Variants in DENND2C observed in about 807,000 individuals in gnomAD.
The protein encoded by DENND2C is DENN domain-containing protein 2C.
A neutral mutation model predicts 112.4 loss-of-function variants in DENND2C; 72 were observed. That is an observed-to-expected ratio of 0.64 (90% CI 0.53 to 0.78). The LOEUF (loss-of-function observed/expected upper bound fraction) is 0.78. DENND2C is among the 30% of genes least tolerant of loss of function. The pLI is 0.00. For missense variants in DENND2C, 992 were observed against 1,113.8 expected, an observed-to-expected ratio of 0.89 and a Z score of 1.56; for synonymous variants, 329 against 381.6, an observed-to-expected ratio of 0.86 and a Z score of 1.61.
chr1:114,618,547 TTAATC>T (rs1433200918), intron 7 of DENND2C, 65 bp from the exon 8 acceptor site: 2 of 953,754 alleles, frequency 2.1e-6, no homozygotes, highest in Non-Finnish European at 3.1e-6. Context: ...TTTGATGACA[TTAATC>T]TATTAGGGAT....
Position 114,625,568 on chromosome 1 carries a change from A to G in DENND2C, c.417T>C (p.Pro139=). 1 of 1,614,118 alleles carries G rather than the reference A, an allele frequency of 6.2e-7. No individual in the cohort carries two copies. The highest frequency in any genetic ancestry group is 8.5e-7 in the Non-Finnish European group (1 of 1,180,012). ...TTTGTGAGGTATAGAAGTTTCCTGG[A>G]GGTAATGAAGTCTCTGGATCTAAGA... ...EDVLDPETSL[P]PGNFYTSQIL... is the part of the protein sequence containing the mutation. Residue 139 remains proline (P), a synonymous_variant, in exon 4 of 21, where the codon CCT becomes CCC. Transcript: ENST00000393274.
rs552054562 is a variant in DENND2C, at chr1:114,629,947, T to G, written c.-204-3759A>C. 1.4e-4 allele frequency among the ~76,000 whole-genome samples: 22 copies of G among 152,302 alleles called. 2 individuals carry two copies. The Middle Eastern group carries it at 0.01, about 71-fold the overall frequency. The stretch of plus-strand genomic sequence containing the variant: ...ATCTGGAAAAATAACTTGGAAGAAT[T>G]TGGAACATTCTAAAACCTGATTTAC... On this transcript the variant is annotated intron_variant, in intron 3 of 20. Transcript: ENST00000393274.
rs560270235 is a variant in DENND2C at position 114,657,741 on chromosome 1, T to C, written c.-573-2980A>G. Among the ~76,000 whole-genome samples, 18 of 152,164 alleles carry C rather than the reference T, an allele frequency of 1.2e-4. 1 individual carries two copies. Among genetic ancestry groups the C allele is most frequent in the Middle Eastern group, 6.3e-3 (2 of 316 alleles). ...GTAGACAATCCATTCAAGGAGTTTA[T>C]CCAAATAGACGAATAGACAATAGAG... On this transcript the variant is annotated intron_variant, in intron 1 of 20. Coordinates refer to ENST00000393274, the MANE Select transcript of DENND2C (RefSeq NM_001256404.2).
intron 2 of DENND2C, among the ~76,000 whole-genome samples, chr1:114,651,276 T>TACAC (rs57202953): frequency 0.26 from 36,077 of 139,106 alleles, 4,867 homozygotes; most frequent in Non-Finnish European, 0.29. Context: ...TCCCTACACA[T>TACAC]ACACACACAC....
At chr1:114,586,239 G>A (rs1655034026) in intron 20 of DENND2C, among the ~76,000 whole-genome samples, 1 of 152,130 alleles carries the variant, frequency 6.6e-6, no homozygotes, top group African/African-American at 2.4e-5. Context: ...TTAGAGACTT[G>A]TAAGAAATCC....
At chr1:114,603,763 AC>A (rs1226010465) in intron 11 of DENND2C, among the ~76,000 whole-genome samples, 1 of 151,456 alleles carries the variant, frequency 6.6e-6, no homozygotes, top group East Asian at 2.0e-4. Context: ...ATGGTCTCAA[AC>A]CTGGCCTCAA....
chr1:114,615,008 C>T (rs973727405), intron 8 of DENND2C, among the ~76,000 whole-genome samples: 22 of 149,282 alleles, frequency 1.5e-4, no homozygotes, highest in South Asian at 6.3e-4. Flanking sequence ...AGCAAGACTC[C>T]GTCTCAAAAA....
At chr1:114,600,706 T>C in intron 14 of DENND2C, 114 bp downstream of exon 14, 3 of 1,322,320 alleles carry the variant, frequency 2.3e-6, no homozygotes, top group Non-Finnish European at 3.1e-6. Context: ...ATAAAACATA[T>C]TCTTTACAGT....
chr1:114,589,219 T>C (rs11577994), intron 18 of DENND2C, among the ~76,000 whole-genome samples: 12,823 of 152,038 alleles, frequency 0.084, 716 homozygotes, highest in Non-Finnish European at 0.13. Context: ...ATCGTCTTTT[T>C]CCCCCCGCCC....
intron 3 of DENND2C, among the ~76,000 whole-genome samples, chr1:114,645,000 TTTAAA>T (rs970239865): frequency 2.0e-5 from 3 of 152,342 alleles, no homozygotes; most frequent in African/African-American, 7.2e-5. Flanking sequence ...ATTTTACTAG[TTTAAA>T]TTAGTAAAAA....
intron 3 of DENND2C, among the ~76,000 whole-genome samples, chr1:114,645,227 A>AC (rs755178313): frequency 6.6e-6 from 1 of 152,108 alleles, no homozygotes; most frequent in Non-Finnish European, 1.5e-5. Context: ...TGAAGTCCTA[A>AC]CCCCCAGCAC....
At chr1:114,615,433 G>A (rs1446722791) in intron 8 of DENND2C, among the ~76,000 whole-genome samples, 1 of 152,200 alleles carries the variant, frequency 6.6e-6, no homozygotes, top group Non-Finnish European at 1.5e-5. Context: ...TCAAATCTAT[G>A]CTTCCTCCTC....
intron 20 of DENND2C, chr1:114,587,171 G>C (rs1655060906): frequency 1.1e-5 from 6 of 541,514 alleles, no homozygotes; most frequent in Non-Finnish European, 2.0e-5. Context: ...CAAAGTGCTG[G>C]GATTACAGGC....
rs1409263572 is a variant in DENND2C at position 114,584,060 on chromosome 1, T to C, written c.*1540A>G. The C allele has an allele frequency of 2.0e-5, 3 of 152,092 alleles. No individual in the cohort carries two copies. Among genetic ancestry groups the C allele is most frequent in the Non-Finnish European group, 4.4e-5 (3 of 68,008 alleles). 9.4% of individuals were successfully genotyped at this position (152,092 alleles called of 1,614,324 possible). Reference sequence around the variant, plus strand: ...TCATCTAGGCACCTATAAAGTTCCTTATCCTCAGAGCTGAAAAGTGGCTCT... The same window carrying C: ...TCATCTAGGCACCTATAAAGTTCCTCATCCTCAGAGCTGAAAAGTGGCTCT... On this transcript the variant is annotated 3_prime_UTR_variant, in exon 21 of 21. Coordinates refer to ENST00000393274, the MANE Select transcript of DENND2C (RefSeq NM_001256404.2).
chr1:114,608,571 C>T (rs1013780334), intron 10 of DENND2C, 115 bp downstream of exon 10: 77 of 1,189,742 alleles, frequency 6.5e-5, no homozygotes, highest in Middle Eastern at 2.8e-4. Context: ...GATCCTACCA[C>T]AAGAACAGTA....
At chr1:114,638,704 A>G (rs1031729258) in intron 3 of DENND2C, among the ~76,000 whole-genome samples, 9 of 146,530 alleles carry the variant, frequency 6.1e-5, no homozygotes, top group African/African-American at 2.2e-4. Flanking sequence ...TCAAGGATGT[A>G]GTGAGCGATG....
chr1:114,655,602 G>A (rs1408275159), intron 1 of DENND2C, among the ~76,000 whole-genome samples: 1 of 151,886 alleles, frequency 6.6e-6, no homozygotes, highest in Non-Finnish European at 1.5e-5. Context: ...TTCTGCCTCA[G>A]CCTCCCGAGT....
At chr1:114,636,614 C>G (rs1206910741) in intron 3 of DENND2C, among the ~76,000 whole-genome samples, 1 of 152,114 alleles carries the variant, frequency 6.6e-6, no homozygotes, top group African/African-American at 2.4e-5. Flanking sequence ...GTCGAGGCTG[C>G]AGTGAGCAGA....
intron 7 of DENND2C, among the ~76,000 whole-genome samples, chr1:114,621,629 GGCAGAC>G (rs748812451): frequency 2.4e-4 from 36 of 152,196 alleles, no homozygotes; most frequent in Non-Finnish European, 3.5e-4. Context: ...CCTTGAAATA[GGCAGAC>G]GATTTTAATG....
Sources: gnomAD v4.1 joint callset for allele counts (sites outside exome capture counted in the v4.1 genomes callset) on GRCh38, gnomAD v4.1.1 for gene constraint, MANE v1.5 for transcripts, NCBI Gene and HGNC (gene_info 2026-07-23, HGNC 2026-07-21) for gene names.